ALK: variants seen among roughly 807,000 people sequenced by gnomAD.
ALK encodes ALK receptor tyrosine kinase, also known as ALK tyrosine kinase receptor.
ALK carries 74 observed loss-of-function variants against 163.1 expected under a neutral mutation model. The observed-to-expected ratio is 0.45, with a 90% CI of 0.38 to 0.55. ALK has a LOEUF of 0.55. Ranked by LOEUF, ALK falls within the 20% of genes least tolerant of loss-of-function variation. The pLI is 0.00. For missense variants in ALK, 2,063 were observed against 2,105.3 expected (o/e 0.98, Z 0.39); for synonymous variants, 960 against 843.2 (o/e 1.14, Z -2.40).
At position 29,674,512 on chromosome 2, in the gene ALK, C is replaced by T. The variant is rs1267415192; in HGVS notation, c.952+20338G>A. On this transcript the variant is annotated intron_variant, in intron 3 of 28. Transcript: ENST00000389048. ...GCGTATATTGAACCAGCCTTGCATCCCAGGGATGAAGACCATTTGATCATG... is the reference window on the plus strand; with the variant it reads ...GCGTATATTGAACCAGCCTTGCATCTCAGGGATGAAGACCATTTGATCATG... 9.4e-5 allele frequency among the ~76,000 whole-genome samples: 14 copies of T among 148,502 alleles called. No homozygotes were observed. In the East Asian group the frequency reaches 2.6e-3, roughly 28 times the overall value.
intron 3 of ALK, among the ~76,000 whole-genome samples, chr2:29,606,963 C>A (rs762055671): frequency 7.9e-5 from 12 of 152,230 alleles, no homozygotes; most frequent in Non-Finnish European, 1.3e-4. Flanking sequence ...TCCAAGAAGT[C>A]TTGCAGCCAT....
intron 1 of ALK, among the ~76,000 whole-genome samples, chr2:29,829,434 G>A (rs1370806383): frequency 6.6e-6 from 1 of 152,156 alleles, no homozygotes; most frequent in Non-Finnish European, 1.5e-5. Flanking sequence ...GGAGTTGGAT[G>A]AGATGCAGTC....
At chr2:29,528,809 C>T (rs888529855) in intron 4 of ALK, among the ~76,000 whole-genome samples, 3 of 152,172 alleles carry the variant, frequency 2.0e-5, no homozygotes, top group Non-Finnish European at 4.4e-5. Flanking sequence ...TAATTTCTAG[C>T]TAAGATGTCC....
At chr2:29,915,067 T>C (rs755566458) in intron 1 of ALK, among the ~76,000 whole-genome samples, 1 of 152,212 alleles carries the variant, frequency 6.6e-6, no homozygotes, top group Non-Finnish European at 1.5e-5. Flanking sequence ...ACACTAATAA[T>C]GATTATAAAG....
chr2:29,594,710 A>G (rs1160035306), intron 3 of ALK, among the ~76,000 whole-genome samples: 1 of 151,868 alleles, frequency 6.6e-6, no homozygotes, highest in Non-Finnish European at 1.5e-5. Context: ...TACAGGTGTG[A>G]GCCACTGCAC....
At chr2:29,732,743 T>C (rs561588524) in intron 1 of ALK, among the ~76,000 whole-genome samples, 9 of 152,080 alleles carry the variant, frequency 5.9e-5, no homozygotes, top group Non-Finnish European at 1.2e-4. Context: ...CCTCACCCCT[T>C]CCACCATGTG....
At chr2:29,734,539 C>CTTT (rs1679839924) in intron 1 of ALK, among the ~76,000 whole-genome samples, 1 of 151,488 alleles carries the variant, frequency 6.6e-6, no homozygotes, top group Non-Finnish European at 1.5e-5. Context: ...AGTATCTTTA[C>CTTT]TATCAAAATG....
chr2:29,233,838 C>T (rs1664291946), intron 13 of ALK, 142 bp from the exon 14 acceptor site: 6 of 1,016,350 alleles, frequency 5.9e-6, no homozygotes, highest in South Asian at 4.3e-5. Flanking sequence ...GAAAAATATA[C>T]CAATAACTGT....
intron 9 of ALK, among the ~76,000 whole-genome samples, chr2:29,289,985 A>C (rs1195645047): frequency 2.0e-5 from 3 of 152,092 alleles, no homozygotes; most frequent in African/African-American, 7.2e-5. Context: ...AATTAGATGG[A>C]GATTGAGAGC....
intron 1 of ALK, among the ~76,000 whole-genome samples, chr2:29,822,349 G>A (rs1484741458): frequency 6.6e-6 from 1 of 152,210 alleles, no homozygotes; most frequent in Non-Finnish European, 1.5e-5. Context: ...GGGTACTTAG[G>A]CAGAGGGGAG....
intron 3 of ALK, among the ~76,000 whole-genome samples, chr2:29,604,484 C>A (rs1175201459): frequency 1.3e-5 from 2 of 152,268 alleles, no homozygotes; most frequent in South Asian, 2.1e-4. Context: ...ACAAAGACAG[C>A]AAAACTCATG....
intron 22 of ALK, among the ~76,000 whole-genome samples, chr2:29,222,029 C>T (rs575131094): frequency 3.3e-5 from 5 of 152,288 alleles, no homozygotes; most frequent in African/African-American, 7.2e-5. Flanking sequence ...CTTGTACTGT[C>T]AAAGTCTAGC....
intron 1 of ALK, among the ~76,000 whole-genome samples, chr2:29,791,530 T>TGAC (rs1236741834): frequency 2.6e-5 from 4 of 152,116 alleles, no homozygotes; most frequent in Non-Finnish European, 5.9e-5. Context: ...CTAATGTAGA[T>TGAC]GACGAGTTGA....
At chr2:29,602,899 T>A (rs909773670) in intron 3 of ALK, among the ~76,000 whole-genome samples, 1 of 152,084 alleles carries the variant, frequency 6.6e-6, no homozygotes, top group Non-Finnish European at 1.5e-5. Flanking sequence ...GTGCCCAAGG[T>A]GGTTGGCTAC....
intron 4 of ALK, among the ~76,000 whole-genome samples, chr2:29,409,322 T>C (rs1669671187): frequency 6.6e-6 from 1 of 152,168 alleles, no homozygotes; most frequent in African/African-American, 2.4e-5. Context: ...CCTTCCTTTT[T>C]CTCCTTCTAC....
In ALK at chr2:29,803,411, G is replaced by T. The variant is rs779893614; in HGVS notation, c.668-85714C>A. 9.9e-5 allele frequency among the ~76,000 whole-genome samples: 15 copies of T among 152,188 alleles called. 1 individual carries two copies. The highest frequency in any genetic ancestry group is 1.9e-4 in the Non-Finnish European group (13 of 68,042). ...AATAACTAAAAGGCCAGCAACTGGTGATTAACTTTGTAAAACAATAATTGG... is the reference window on the plus strand; with the variant it reads ...AATAACTAAAAGGCCAGCAACTGGTTATTAACTTTGTAAAACAATAATTGG... On this transcript the variant is annotated intron_variant, in intron 1 of 28. Transcript: ENST00000389048.
chr2:29,650,561 A>G (rs1677009802), intron 3 of ALK, among the ~76,000 whole-genome samples: 1 of 152,054 alleles, frequency 6.6e-6, no homozygotes, highest in South Asian at 2.1e-4. Flanking sequence ...CTCCTTTAAC[A>G]CTGCCTTTAG....
intron 1 of ALK, among the ~76,000 whole-genome samples, chr2:29,814,374 A>C (rs4606878): frequency 0.27 from 40,410 of 151,242 alleles, 5,693 homozygotes; most frequent in South Asian, 0.37. Flanking sequence ...GTCAGGCATG[A>C]CCAAGGCCGG....
chr2:29,688,436 AG>A (rs1678299389), intron 3 of ALK, among the ~76,000 whole-genome samples: 1 of 152,256 alleles, frequency 6.6e-6, no homozygotes, highest in African/African-American at 2.4e-5. Context: ...TTATACAGTT[AG>A]GCACACAAAA....
Sources: allele counts gnomAD v4.1 joint callset (sites outside exome capture counted in the v4.1 genomes callset), GRCh38; gene constraint gnomAD v4.1.1; transcripts MANE v1.5; gene names NCBI Gene and HGNC (gene_info 2026-07-23, HGNC 2026-07-21).